The following PCDHGB2 variants were observed in gnomAD, a reference collection of about 807,000 sequenced individuals.
PCDHGB2 encodes the protein protocadherin gamma subfamily B, 2, also known as protocadherin gamma-B2.
Under a neutral mutation model 59.3 loss-of-function variants are expected in PCDHGB2, and 55 were observed. The ratio of observed to expected loss-of-function variants is 0.93; its 90% CI spans 0.75 to 1.16. The LOEUF (loss-of-function observed/expected upper bound fraction) is 1.16, where lower values mean the gene tolerates loss of function less well. PCDHGB2 is among the 50% of genes most tolerant of loss of function. The probability of loss-of-function intolerance (pLI) is 0.00; values close to 1 mark genes in which losing one functional copy is unlikely to be tolerated. For synonymous variants in PCDHGB2, 516 were observed against 512.0 expected (o/e 1.01, Z -0.11); for missense variants, 1,228 against 1,198.5 (o/e 1.02, Z -0.36).
intron 1 of PCDHGB2, among the ~76,000 whole-genome samples, chr5:141,472,980 CAAAAA>C (rs60579131): frequency 1.2e-5 from 1 of 86,106 alleles, no homozygotes; most frequent in African/African-American, 3.9e-5. Flanking sequence ...GAGTGAAACT[CAAAAA>C]AAAAAAAAAA....
chr5:141,505,546 C>T (rs555460173), intron 3 of PCDHGB2, 65 bp downstream of exon 3: 36 of 1,608,242 alleles, frequency 2.2e-5, no homozygotes, highest in South Asian at 7.7e-5. Context: ...CATCTCACAG[C>T]CACCATGCCC....
chr5:141,381,044 T>G (rs745590770), intron 1 of PCDHGB2, among the ~76,000 whole-genome samples: 1 of 152,278 alleles, frequency 6.6e-6, no homozygotes, highest in Admixed American at 6.5e-5. Flanking sequence ...AAAATTTATC[T>G]ACTTTGTGAA....
chr5:141,430,984 C>G (rs765063685), intron 1 of PCDHGB2: 2 of 1,613,530 alleles, frequency 1.2e-6, no homozygotes, highest in Non-Finnish European at 1.7e-6. Flanking sequence ...CGCAGCTTTT[C>G]GCCCTGAATC....
intron 2 of PCDHGB2, among the ~76,000 whole-genome samples, chr5:141,501,294 C>CAT (rs200497585): frequency 0.16 from 9,924 of 62,810 alleles, 350 homozygotes; most frequent in Non-Finnish European, 0.25. Flanking sequence ...CCCTTATACA[C>CAT]ACACACACAC....
At position 141,379,889 on chromosome 5, in the gene PCDHGB2, C is replaced by CTTTTTTTTTTTTTTTTTT. The variant is rs70988800; in HGVS notation, c.2421+17346_2421+17363dup. On this transcript the variant is annotated intron_variant, in intron 1 of 3. Coordinates refer to ENST00000522605, the MANE Select transcript of PCDHGB2 (RefSeq NM_018923.3). ...CTTATTTTATGGTCTGTGAAAGCCT[C>CTTTTTTTTTTTTTTTTTT]TTTTTTTTTTTTTTTTTTTTTTTTT... is the stretch of plus-strand genomic sequence containing the variant. Among the ~76,000 whole-genome samples the CTTTTTTTTTTTTTTTTTT allele has an allele frequency of 4.1e-3, 211 of 50,852 alleles. 27 individuals are homozygous for CTTTTTTTTTTTTTTTTTT. The highest frequency in any genetic ancestry group is 6.1e-3 in the Non-Finnish European group (157 of 25,898). 33.4% of individuals were successfully genotyped at this position (50,852 alleles called of 152,430 possible). A position where few individuals can be genotyped will look rare whatever the true frequency, so the allele number is the denominator to read the frequency against.
At chr5:141,508,124 G>C (rs1248096612) in intron 3 of PCDHGB2, 1 of 152,640 alleles carries the variant, frequency 6.6e-6, no homozygotes, top group Non-Finnish European at 1.5e-5. Flanking sequence ...AGGACAGAGG[G>C]AGGTCAGGGA....
intron 1 of PCDHGB2, chr5:141,388,977 G>A (rs1299469066): frequency 6.2e-7 from 1 of 1,613,990 alleles, no homozygotes; most frequent in African/African-American, 1.3e-5. Context: ...AACACATATT[G>A]CTTTGCTCAA....
In PCDHGB2 at chr5:141,414,051, A is replaced by G. The variant is rs747091153; in HGVS notation, c.2421+51495A>G. ...CATTCCGAAAATTACCTGACACGCA[A>G]TTGTTGAAGTTCCAACTAAACAAAT... On this transcript the variant is annotated intron_variant, in intron 1 of 3. Coordinates refer to ENST00000522605, the MANE Select transcript of PCDHGB2 (RefSeq NM_018923.3). 5.0e-6 allele frequency: 8 copies of G among 1,610,748 alleles called. No individual in the cohort carries two copies. The Admixed American group carries it at 8.4e-5, about 17-fold the overall frequency.
At position 141,361,114 on chromosome 5, in the gene PCDHGB2, C is replaced by A; in HGVS notation, c.979C>A (p.Leu327Ile). 6.2e-7 allele frequency: 1 copy of A among 1,613,990 alleles called. No homozygotes were observed. Among genetic ancestry groups the A allele is most frequent in the Non-Finnish European group, 8.5e-7 (1 of 1,179,890 alleles). ...LSIEAKDPGDLAAHCSIQVEI... is the reference protein window; with the variant it reads ...LSIEAKDPGDIAAHCSIQVEI... The stretch of plus-strand genomic sequence containing the variant: ...TATCGAAGCAAAAGATCCTGGAGAT[C>A]TAGCAGCCCACTGCAGTATCCAAGT... Residue 327 changes from leucine (L) to isoleucine (I), a missense_variant, in exon 1 of 4, where the codon CTA becomes ATA. Around this residue, in one of 3 missense-constraint regions of PCDHGB2, gnomAD observed 781 missense variants for 721.6 expected, o/e 1.08. Transcript: ENST00000522605.
At chr5:141,474,323 C>T (rs1176074252) in intron 1 of PCDHGB2, among the ~76,000 whole-genome samples, 2 of 152,186 alleles carry the variant, frequency 1.3e-5, no homozygotes, top group Non-Finnish European at 2.9e-5. Context: ...GTTTTCAAAT[C>T]ACCCTGATGT....
rs1474849292 is a variant in PCDHGB2 at position 141,454,205 on chromosome 5, G to T, written c.2422-40602G>T. Among the ~76,000 whole-genome samples, 3 of 152,154 alleles carry T rather than the reference G, an allele frequency of 2.0e-5. No individual in the cohort carries two copies. The East Asian group carries it at 5.8e-4, about 29-fold the overall frequency. ...GGAGCTTAGTGAAGGTGAATTTATT[G>T]ACATGAATGAGAAAAGTAATTGTGA... On this transcript the variant is annotated intron_variant, in intron 1 of 3. Coordinates refer to ENST00000522605, the MANE Select transcript of PCDHGB2 (RefSeq NM_018923.3).
Position 141,477,917 on chromosome 5 carries a change from G to C in PCDHGB2, c.2422-16890G>C. 6.2e-7 allele frequency: 1 copy of C among 1,614,186 alleles called. No individual in the cohort carries two copies. The highest frequency in any genetic ancestry group is 2.2e-5 in the East Asian group (1 of 44,868). On this transcript the variant is annotated intron_variant, in intron 1 of 3. Transcript: ENST00000522605. The surrounding 1 kb of genome is among the most constrained non-coding windows in gnomAD (Gnocchi z 4.9). ...GGTGGTAGGCTGGGACGCGGATGCA[G>C]GGCACAATGCCTGGCTCTCCTACAG...
chr5:141,501,311 AC>A (rs2099807696), intron 2 of PCDHGB2, among the ~76,000 whole-genome samples: 1 of 151,670 alleles, frequency 6.6e-6, no homozygotes, highest in Non-Finnish European at 1.5e-5. Context: ...ACACACACAC[AC>A]ACACACACAC....
chr5:141,365,104 C>A (rs775966290), intron 1 of PCDHGB2: 1 of 1,613,874 alleles, frequency 6.2e-7, no homozygotes, highest in Non-Finnish European at 8.5e-7. Flanking sequence ...TACCTGTGGG[C>A]ACTCGGCTGC....
At chr5:141,374,042 C>G (rs757758510) in intron 1 of PCDHGB2, 4 of 1,460,408 alleles carry the variant, frequency 2.7e-6, no homozygotes, top group Admixed American at 5.4e-5. Context: ...CAGATCTGTT[C>G]TTCCTCTTCT....
Position 141,361,229 on chromosome 5 carries a change from T to C in PCDHGB2, c.1094T>C (p.Val365Ala). Reference sequence around the variant, plus strand: ...CCGGAGGATTCGCCACCAGGAACAGTGATCGCCTTGATAAAAACGAGAGAC... The same window carrying C: ...CCGGAGGATTCGCCACCAGGAACAGCGATCGCCTTGATAAAAACGAGAGAC... ...PLPEDSPPGTVIALIKTRDRD... is the reference protein window; with the variant it reads ...PLPEDSPPGTAIALIKTRDRD... The change falls in exon 1 of 4, where the codon GTG becomes GCG. Residue 365 changes from valine to alanine, a missense_variant. Physicochemically the swap from Val to Ala is moderately conservative, Grantham distance 64. This residue lies in a region of PCDHGB2 where 781 missense variants were observed against 721.6 expected (regional missense o/e 1.08). Transcript: ENST00000522605. 1 of 1,613,992 alleles carries C rather than the reference T, an allele frequency of 6.2e-7. No homozygotes were observed.
chr5:141,445,973 G>A (rs563637331), intron 1 of PCDHGB2, among the ~76,000 whole-genome samples: 28 of 152,326 alleles, frequency 1.8e-4, no homozygotes, highest in African/African-American at 6.0e-4. Flanking sequence ...ATTGATTTAT[G>A]AGGGTTATAA....
At chr5:141,471,309 C>T (rs140651182) in intron 1 of PCDHGB2, 8,212 of 152,202 alleles carry the variant, frequency 0.054, 462 homozygotes, top group African/African-American at 0.15. Flanking sequence ...ACTCGGCCTC[C>T]CAAAGTGCTG....
chr5:141,496,160 G>C (rs1428576442), intron 2 of PCDHGB2, among the ~76,000 whole-genome samples: 2 of 151,600 alleles, frequency 1.3e-5, no homozygotes, highest in Admixed American at 6.6e-5. Flanking sequence ...CTCTCCACCA[G>C]ACACCCTCCC....
Sources: allele counts gnomAD v4.1 joint callset (sites outside exome capture counted in the v4.1 genomes callset), GRCh38; gene constraint gnomAD v4.1.1; regional missense constraint gnomAD v4.1.1; non-coding constraint Gnocchi (gnomAD v3.1); transcripts MANE v1.5; gene names NCBI Gene and HGNC (gene_info 2026-07-23, HGNC 2026-07-21).